Variants in CNIH3 observed in about 807,000 individuals in gnomAD.
CNIH3 encodes the protein cornichon family AMPA receptor auxiliary protein 3.
A neutral mutation model predicts 24.1 loss-of-function variants in CNIH3; 14 were observed. The observed-to-expected ratio is 0.58, with a 90% CI of 0.38 to 0.91. The LOEUF (loss-of-function observed/expected upper bound fraction) is 0.91, where lower values mean the gene tolerates loss of function less well. CNIH3 is among the 40% of genes least tolerant of loss of function. The probability of loss-of-function intolerance (pLI) is 0.00; values close to 1 mark genes in which losing one functional copy is unlikely to be tolerated. For synonymous variants in CNIH3, 68 were observed against 73.8 expected, an observed-to-expected ratio of 0.92 and a Z score of 0.40; for missense variants, 178 against 196.8, an observed-to-expected ratio of 0.90 and a Z score of 0.57.
At chr1:224,610,022 A>G (rs1337651337) in intron 3 of CNIH3, among the ~76,000 whole-genome samples, 1 of 152,180 alleles carries the variant, frequency 6.6e-6, no homozygotes, top group African/African-American at 2.4e-5. Flanking sequence ...AAGTACCCAT[A>G]AAACCATTCT....
At chr1:224,548,627 A>G (rs767299693) in intron 3 of CNIH3, among the ~76,000 whole-genome samples, 4 of 151,968 alleles carry the variant, frequency 2.6e-5, no homozygotes, top group Non-Finnish European at 4.4e-5. Context: ...CTCTGTGTGT[A>G]CATCCTGTAA....
chr1:224,540,374 G>A (rs1679466604), downstream of CNIH3, among the ~76,000 whole-genome samples: 1 of 152,162 alleles, frequency 6.6e-6, no homozygotes, highest in African/African-American at 2.4e-5. Flanking sequence ...GCAAAGTGGG[G>A]CTAATTCAAT....
At chr1:224,627,471 G>T (rs1396775894) in intron 1 of CNIH3, among the ~76,000 whole-genome samples, 1 of 152,062 alleles carries the variant, frequency 6.6e-6, no homozygotes, top group Non-Finnish European at 1.5e-5. Context: ...TGATCCTCCC[G>T]CCTCGGTCTC....
intron 3 of CNIH3, among the ~76,000 whole-genome samples, chr1:224,691,596 C>T (rs767641892): frequency 5.9e-5 from 9 of 152,232 alleles, no homozygotes; most frequent in Non-Finnish European, 1.0e-4. Context: ...TGACTGCCAA[C>T]CATCCTTTAG....
intron 3 of CNIH3, among the ~76,000 whole-genome samples, chr1:224,725,338 A>G (rs758644678): frequency 1.3e-4 from 20 of 152,242 alleles, no homozygotes; most frequent in Middle Eastern, 3.2e-3. Context: ...GCTGGTAGGT[A>G]TGGCATTTTA....
At chr1:224,452,003 G>A (rs921944133) in intron 1 of CNIH3, among the ~76,000 whole-genome samples, 7 of 152,060 alleles carry the variant, frequency 4.6e-5, no homozygotes, top group South Asian at 2.1e-4. Flanking sequence ...TACCAGAGTC[G>A]CCACGCTTTC....
chr1:224,615,941 G>A (rs954191494), upstream of CNIH3: 1 of 152,794 alleles, frequency 6.5e-6, no homozygotes, highest in African/African-American at 2.4e-5. Flanking sequence ...CACTCCGATA[G>A]GCGAAACTGC....
intron 1 of CNIH3, among the ~76,000 whole-genome samples, chr1:224,627,500 AG>A (rs1683596708): frequency 6.6e-6 from 1 of 152,136 alleles, no homozygotes; most frequent in African/African-American, 2.4e-5. Context: ...CTGGGATTAC[AG>A]GCGTGAGCCA....
chr1:224,540,578 C>G (rs1290673967), downstream of CNIH3, among the ~76,000 whole-genome samples: 1 of 152,168 alleles, frequency 6.6e-6, no homozygotes, highest in Non-Finnish European at 1.5e-5. Context: ...GAGGGAGATA[C>G]CCAGCTTTGA....
intron 2 of CNIH3, among the ~76,000 whole-genome samples, chr1:224,528,354 T>C (rs1678926305): frequency 6.6e-6 from 1 of 152,190 alleles, no homozygotes; most frequent in African/African-American, 2.4e-5. Flanking sequence ...AAGATCTTAT[T>C]ATATTGTACA....
At chr1:224,512,044 G>A (rs965193181), upstream of CNIH3, among the ~76,000 whole-genome samples, 4 of 151,858 alleles carry the variant, frequency 2.6e-5, no homozygotes, top group African/African-American at 9.7e-5. Context: ...GCGTGGTGGC[G>A]CATGCCTGTA....
intron 4 of CNIH3, chr1:224,574,678 C>A (rs111596057): frequency 2.8e-6 from 3 of 1,087,504 alleles, no homozygotes; most frequent in African/African-American, 3.1e-5. Context: ...CTGTGGTGAG[C>A]GTACCATGAG....
chr1:224,708,308 C>A (rs1687933918), intron 3 of CNIH3, among the ~76,000 whole-genome samples: 1 of 152,176 alleles, frequency 6.6e-6, no homozygotes, highest in African/African-American at 2.4e-5. Flanking sequence ...TGGAGCATAT[C>A]CAGATCAGCT....
At chr1:224,691,938 G>GT (rs1289167141) in intron 3 of CNIH3, among the ~76,000 whole-genome samples, 1 of 152,196 alleles carries the variant, frequency 6.6e-6, no homozygotes, top group Admixed American at 6.5e-5. Context: ...GGGCTACTAA[G>GT]TACATTTATA....
Position 224,628,377 on chromosome 1 carries a change from A to C in CNIH3, c.81+11122A>C, listed in dbSNP as rs535569888. Among the ~76,000 whole-genome samples, 3 of 152,150 alleles carry C rather than the reference A, an allele frequency of 2.0e-5. No individual in the cohort carries two copies. The South Asian group carries it at 6.2e-4, about 32-fold the overall frequency. On this transcript the variant is annotated intron_variant, in intron 1 of 5. Transcript: ENST00000272133. ...TGTTTTATAACCATCACCACCATCC[A>C]TCTCCAGAACTTTTTCCCCTTCCCA...
chr1:224,498,459 T>C (rs1353467112), intron 1 of CNIH3, among the ~76,000 whole-genome samples: 1 of 152,076 alleles, frequency 6.6e-6, no homozygotes, highest in Non-Finnish European at 1.5e-5. Context: ...CACTGGGGTG[T>C]TTTTTAAGCT....
chr1:224,593,790 C>T (rs1408118442), intron 3 of CNIH3, among the ~76,000 whole-genome samples: 1 of 152,196 alleles, frequency 6.6e-6, no homozygotes, highest in Non-Finnish European at 1.5e-5. Flanking sequence ...GAGCCTTGTG[C>T]TGGGTGCATC....
In CNIH3 at chr1:224,645,902, C is replaced by T. The variant is rs1299283210; in HGVS notation, c.81+28647C>T. Reference sequence around the variant, plus strand: ...GCAGTGGGGAGATGCAGTGGAGAAGCATGGCCCATGTTTAATTTATAGATC... The same window carrying T: ...GCAGTGGGGAGATGCAGTGGAGAAGTATGGCCCATGTTTAATTTATAGATC... On this transcript the variant is annotated intron_variant, in intron 1 of 5. Transcript: ENST00000272133. 2.6e-5 allele frequency among the ~76,000 whole-genome samples: 4 copies of T among 152,206 alleles called. No individual in the cohort carries two copies. The East Asian group carries it at 7.7e-4, about 29-fold the overall frequency.
intron 1 of CNIH3, among the ~76,000 whole-genome samples, chr1:224,647,289 C>T (rs1051665060): frequency 1.3e-5 from 2 of 152,234 alleles, no homozygotes; most frequent in African/African-American, 2.4e-5. Flanking sequence ...GTCCTACAGT[C>T]ACATTTCAGT....
Sources: gnomAD v4.1 joint callset for allele counts (sites outside exome capture counted in the v4.1 genomes callset) on GRCh38, gnomAD v4.1.1 for gene constraint, MANE v1.5 for transcripts, NCBI Gene and HGNC (gene_info 2026-07-23, HGNC 2026-07-21) for gene names.